The following NPC1 variants were observed in gnomAD, a reference collection of about 807,000 sequenced individuals.
NPC1 encodes the protein NPC intracellular cholesterol transporter 1.
A neutral mutation model predicts 140.4 loss-of-function variants in NPC1; 85 were observed. That is an observed-to-expected ratio of 0.61 (90% CI 0.51 to 0.72). NPC1 has a LOEUF of 0.72. NPC1 is among the 30% of genes least tolerant of loss of function. The pLI is 0.00. For missense variants in NPC1, 1,504 were observed against 1,623.8 expected, an observed-to-expected ratio of 0.93 and a Z score of 1.27; for synonymous variants, 656 against 624.8, an observed-to-expected ratio of 1.05 and a Z score of -0.74.
At chr18:23,552,906 G>A (rs930430388) in intron 9 of NPC1, among the ~76,000 whole-genome samples, 1 of 152,218 alleles carries the variant, frequency 6.6e-6, no homozygotes, top group Non-Finnish European at 1.5e-5. Flanking sequence ...CCTCAAGCCT[G>A]AGTAACTGGT....
chr18:23,535,424 G>T (rs765307608), intron 22 of NPC1, 45 bp downstream of exon 22: 69 of 1,379,380 alleles, frequency 5.0e-5, no homozygotes, highest in Non-Finnish European at 6.6e-5. Flanking sequence ...ATTCCCCCAA[G>T]TGAAACAGGA....
intron 21 of NPC1, 81 bp downstream of exon 21, chr18:23,536,592 C>A: frequency 7.9e-7 from 1 of 1,261,232 alleles, no homozygotes; most frequent in Non-Finnish European, 1.1e-6. Context: ...AAATCAGCAT[C>A]TTGCCAAGGG....
At chr18:23,530,354 G>A (rs143589532), downstream of NPC1, 8,847 of 1,613,922 alleles carry the variant, frequency 5.5e-3, 37 homozygotes, top group Non-Finnish European at 6.2e-3. Context: ...CCTGTTGTTT[G>A]CACTGACCTG....
intron 3 of NPC1, chr18:23,515,815 G>T (rs773905725): frequency 6.2e-7 from 1 of 1,611,732 alleles, no homozygotes; most frequent in Non-Finnish European, 8.5e-7. Context: ...TTAGTTTGCC[G>T]TTTTTTAAAT....
downstream of NPC1, chr18:23,528,933 G>A (rs1280825577): frequency 4.9e-6 from 2 of 409,000 alleles, no homozygotes; most frequent in South Asian, 3.3e-5. Flanking sequence ...AGGCTGGAGT[G>A]CAATGGTGAG....
chr18:23,516,390 G>A, intron 3 of NPC1: 1 of 1,614,224 alleles, frequency 6.2e-7, no homozygotes, highest in African/African-American at 1.3e-5. Context: ...ACTAAACCCA[G>A]CCTTTCCGAA....
chr18:23,506,905 T>C, intron 3 of NPC1: 1 of 1,140,026 alleles, frequency 8.8e-7, no homozygotes. Flanking sequence ...TCTTTTGCCT[T>C]TTCAATAAAT....
chr18:23,520,243 C>T (rs200267401), downstream of NPC1: 62 of 1,614,114 alleles, frequency 3.8e-5, 1 homozygote, highest in Admixed American at 1.5e-4. Flanking sequence ...GAGAGTTTGA[C>T]GGCTCCGTTA....
At chr18:23,531,156 GATTTTTGT>G, downstream of NPC1, among the ~76,000 whole-genome samples, 1 of 151,974 alleles carries the variant, frequency 6.6e-6, no homozygotes, top group Non-Finnish European at 1.5e-5. Flanking sequence ...ACACCCGGCT[GATTTTTGT>G]ATTTTTAGTA....
chr18:23,530,132 G>A, downstream of NPC1: 2 of 1,613,858 alleles, frequency 1.2e-6, no homozygotes, highest in Non-Finnish European at 1.7e-6. Flanking sequence ...CCAAACCTTT[G>A]GTATGCATTG....
Position 23,544,534 on chromosome 18 carries a change from A to G in NPC1, c.1948-8T>C, listed in dbSNP as rs1255947746. 2 of 1,613,946 alleles carry G rather than the reference A, an allele frequency of 1.2e-6. No individual in the cohort carries two copies. Among genetic ancestry groups the G allele is most frequent in the East Asian group, 4.5e-5 (2 of 44,882 alleles). On this transcript the variant is annotated splice_polypyrimidine_tract_variant and splice_region_variant and intron_variant, in intron 12 of 24. Coordinates refer to ENST00000269228, the MANE Select transcript of NPC1 (RefSeq NM_000271.5). ...TGAGACCTTCGAATCCACCTGAGAGAGGCGACAGACACAATCACCAATTAG... is the reference window on the plus strand; with the variant it reads ...TGAGACCTTCGAATCCACCTGAGAGGGGCGACAGACACAATCACCAATTAG...
chr18:23,507,949 C>T, intron 3 of NPC1: 1 of 1,600,220 alleles, frequency 6.2e-7, no homozygotes, highest in East Asian at 2.3e-5. Flanking sequence ...GCTGCCTAAT[C>T]CAAATTTGTG....
In NPC1 at chr18:23,548,378, T is replaced by C. The variant is rs138464159; in HGVS notation, c.1655-270A>G. On this transcript the variant is annotated intron_variant, in intron 10 of 24. Coordinates refer to ENST00000269228, the MANE Select transcript of NPC1 (RefSeq NM_000271.5). ...TTTTAAAGGATACAGTACATGCATG[T>C]TAACAATTTCAAACAGAACAGAAAA... 3.3e-3 allele frequency among the ~76,000 whole-genome samples: 494 copies of C among 151,624 alleles called. 3 individuals carry two copies. The highest frequency in any genetic ancestry group is 0.011 in the African/African-American group (473 of 41,182).
At chr18:23,535,358 G>A (rs957376052) in intron 22 of NPC1, 111 bp downstream of exon 22, 44 of 820,560 alleles carry the variant, frequency 5.4e-5, no homozygotes, top group South Asian at 3.3e-4. Context: ...AAGAGCAAGC[G>A]CCAGACTTGG....
At chr18:23,552,328 C>A (rs1310667336) in intron 9 of NPC1, among the ~76,000 whole-genome samples, 2 of 152,178 alleles carry the variant, frequency 1.3e-5, no homozygotes, top group Non-Finnish European at 2.9e-5. Context: ...AAAAGATGTC[C>A]TGTCCTAGAG....
intron 6 of NPC1, among the ~76,000 whole-genome samples, chr18:23,559,421 G>A (rs2059003815): frequency 6.7e-6 from 1 of 149,862 alleles, no homozygotes; most frequent in South Asian, 2.1e-4. Flanking sequence ...AAATTAAGAT[G>A]CAAATATCTA....
chr18:23,542,530 T>TAC (rs200443976), intron 14 of NPC1, among the ~76,000 whole-genome samples: 9,655 of 152,288 alleles, frequency 0.063, 421 homozygotes, highest in Non-Finnish European at 0.093. Context: ...TTGCTCTTAC[T>TAC]ACACTTCAGA....
intron 3 of NPC1, among the ~76,000 whole-genome samples, chr18:23,570,189 C>T (rs1335221329): frequency 6.6e-6 from 1 of 152,196 alleles, no homozygotes; most frequent in Non-Finnish European, 1.5e-5. Flanking sequence ...AAACCTTTTC[C>T]ATGTTACTAC....
chr18:23,530,954 CTTA>C (rs567026869), downstream of NPC1, among the ~76,000 whole-genome samples: 35 of 152,116 alleles, frequency 2.3e-4, no homozygotes, highest in African/African-American at 8.4e-4. Flanking sequence ...GGGTCTGGGG[CTTA>C]TTAAGGTTTC....
Sources: allele counts gnomAD v4.1 joint callset (sites outside exome capture counted in the v4.1 genomes callset), GRCh38; gene constraint gnomAD v4.1.1; transcripts MANE v1.5; gene names NCBI Gene and HGNC (gene_info 2026-07-23, HGNC 2026-07-21).